FAF1: variants seen among roughly 807,000 people sequenced by gnomAD.
FAF1 encodes the protein FAS-associated factor 1.
FAF1 carries 25 observed loss-of-function variants against 92.5 expected under a neutral mutation model. The observed-to-expected ratio is 0.27, with a 90% CI of 0.20 to 0.38. FAF1 has a LOEUF of 0.38. Ranked by LOEUF, FAF1 falls within the 10% of genes least tolerant of loss-of-function variation. The pLI is 1.00. For missense variants in FAF1, 636 were observed against 793.3 expected (o/e 0.80, Z 2.38); for synonymous variants, 234 against 273.2 (o/e 0.86, Z 1.42).
At chr1:50,612,339 G>T in intron 8 of FAF1, 1 of 1,240,926 alleles carries the variant, frequency 8.1e-7, no homozygotes, top group Non-Finnish European at 1.0e-6. Context: ...ACCTCAAGCA[G>T]ATTCCTCATT....
chr1:50,614,224 G>A (rs142398600), intron 8 of FAF1, among the ~76,000 whole-genome samples: 1 of 152,296 alleles, frequency 6.6e-6, no homozygotes, highest in African/African-American at 2.4e-5. Flanking sequence ...AGACAAGCAT[G>A]TATTCTATGG....
chr1:50,500,394 GA>G (rs2149015456), intron 15 of FAF1, among the ~76,000 whole-genome samples: 1 of 152,222 alleles, frequency 6.6e-6, no homozygotes, highest in South Asian at 2.1e-4. Flanking sequence ...CAAAGGTGCA[GA>G]GGCAATGTAG....
At chr1:50,918,986 A>T (rs1644941919) in intron 1 of FAF1, among the ~76,000 whole-genome samples, 1 of 152,238 alleles carries the variant, frequency 6.6e-6, no homozygotes, top group Non-Finnish European at 1.5e-5. Flanking sequence ...TAAATTTCAC[A>T]TAAACCAAAA....
Position 50,781,675 on chromosome 1 carries a change from G to A in FAF1, c.367+6325C>T, listed in dbSNP as rs928235294. Reference sequence around the variant, plus strand: ...CAAACAGATCTAACAGACATATACTGAACATCCATTCTATCACAGCAGAAT... The same window carrying A: ...CAAACAGATCTAACAGACATATACTAAACATCCATTCTATCACAGCAGAAT... On this transcript the variant is annotated intron_variant, in intron 4 of 18. Coordinates refer to ENST00000396153, the MANE Select transcript of FAF1 (RefSeq NM_007051.3). Among the ~76,000 whole-genome samples the A allele has an allele frequency of 2.6e-5, 4 of 152,236 alleles. 1 individual carries two copies. The East Asian group carries it at 7.7e-4, about 29-fold the overall frequency.
In FAF1 at chr1:50,960,195, A is replaced by AGCGG. The variant is rs1423358002; in HGVS notation, c.-388_-385dup. On this transcript the variant is annotated 5_prime_UTR_variant, in exon 1 of 19. Transcript: ENST00000396153. ...CGGGGGCGGGGAAACCGAGCGAGCG[A>AGCGG]GCGGGCGGGCGAACGCCGCGGCCGC... is the stretch of plus-strand genomic sequence containing the variant. The AGCGG allele has an allele frequency of 3.2e-6, 1 of 310,882 alleles. No individual in the cohort carries two copies. The highest frequency in any genetic ancestry group is 5.9e-6 in the Non-Finnish European group (1 of 168,844). The allele number at this position is 310,882 out of a possible 1,614,324, so 19.3% of individuals were successfully genotyped here. A position where few individuals can be genotyped will look rare whatever the true frequency, so the allele number is the denominator to read the frequency against.
chr1:50,836,170 GTTTTTTTTTTT>G (rs36053491), intron 2 of FAF1, among the ~76,000 whole-genome samples: 3 of 98,526 alleles, frequency 3.0e-5, no homozygotes, highest in African/African-American at 8.5e-5. Flanking sequence ...TTTTGTTTCT[GTTTTTTTTTTT>G]TTTTTTTTAG....
At chr1:50,829,723 T>C (rs1249035793) in intron 2 of FAF1, among the ~76,000 whole-genome samples, 1 of 152,254 alleles carries the variant, frequency 6.6e-6, no homozygotes, top group African/African-American at 2.4e-5. Flanking sequence ...CTATTCCACT[T>C]GTTTCTTCTA....
In FAF1 at chr1:50,576,641, C is replaced by T. The variant is rs61468246; in HGVS notation, c.1113+5977G>A. Among the ~76,000 whole-genome samples the T allele has an allele frequency of 2.7e-3, 404 of 148,210 alleles. 5 individuals carry two copies. The highest frequency in any genetic ancestry group is 8.9e-3 in the African/African-American group (357 of 40,132). On this transcript the variant is annotated intron_variant, in intron 12 of 18. Coordinates refer to ENST00000396153, the MANE Select transcript of FAF1 (RefSeq NM_007051.3). ...AGACTCATCTCCGCACCGCCCCCCC[C>T]CCGCCACCACCCCTGCACCAAGATA...
intron 6 of FAF1, among the ~76,000 whole-genome samples, chr1:50,711,386 AG>A (rs1454148515): frequency 6.6e-6 from 1 of 151,850 alleles, no homozygotes; most frequent in Non-Finnish European, 1.5e-5. Flanking sequence ...ATCCCCTGGC[AG>A]GAGTTCATAC....
At chr1:50,502,154 C>A (rs1646999114) in intron 15 of FAF1, among the ~76,000 whole-genome samples, 1 of 152,092 alleles carries the variant, frequency 6.6e-6, no homozygotes, top group South Asian at 2.1e-4. Context: ...CAACTTTAAG[C>A]CAATCATAAC....
intron 6 of FAF1, among the ~76,000 whole-genome samples, chr1:50,737,869 T>A (rs1378588441): frequency 2.0e-5 from 3 of 151,998 alleles, no homozygotes. Flanking sequence ...CACAAAAAAA[T>A]CACCAAGTTG....
At chr1:50,634,919 T>A (rs2124220224) in intron 8 of FAF1, among the ~76,000 whole-genome samples, 1 of 152,314 alleles carries the variant, frequency 6.6e-6, no homozygotes, top group East Asian at 1.9e-4. Flanking sequence ...AAGGAAAATT[T>A]AGGATAACAG....
At chr1:50,796,221 AC>A (rs1352048220) in intron 3 of FAF1, among the ~76,000 whole-genome samples, 2 of 152,104 alleles carry the variant, frequency 1.3e-5, no homozygotes, top group Non-Finnish European at 2.9e-5. Flanking sequence ...AAACACACAC[AC>A]ACACACCCCT....
chr1:50,492,089 T>A (rs1250503561), intron 15 of FAF1, among the ~76,000 whole-genome samples: 1 of 152,202 alleles, frequency 6.6e-6, no homozygotes, highest in Non-Finnish European at 1.5e-5. Flanking sequence ...AGAAATAATA[T>A]TTGTCTTATA....
chr1:50,627,793 A>G (rs886434556), intron 8 of FAF1, among the ~76,000 whole-genome samples: 2 of 152,030 alleles, frequency 1.3e-5, no homozygotes, highest in Non-Finnish European at 1.5e-5. Context: ...CAAATTGTAC[A>G]TTCATGATTT....
At chr1:50,836,824 T>C (rs1051928646) in intron 2 of FAF1, among the ~76,000 whole-genome samples, 1 of 152,150 alleles carries the variant, frequency 6.6e-6, no homozygotes, top group African/African-American at 2.4e-5. Context: ...GATATTCTCT[T>C]TATAACCACA....
At chr1:50,680,510 T>C (rs1656373563) in intron 7 of FAF1, among the ~76,000 whole-genome samples, 1 of 151,936 alleles carries the variant, frequency 6.6e-6, no homozygotes. Context: ...TGGGGAAACC[T>C]CGTCTCTACT....
At chr1:50,515,533 G>A (rs1846522) in intron 15 of FAF1, among the ~76,000 whole-genome samples, 17,638 of 152,022 alleles carry the variant, frequency 0.12, 1,260 homozygotes, top group African/African-American at 0.2. Context: ...TGAAAAGCAC[G>A]GTAGTTCAGA....
intron 1 of FAF1, among the ~76,000 whole-genome samples, chr1:50,949,636 C>T (rs759835237): frequency 1.3e-4 from 20 of 152,212 alleles, no homozygotes; most frequent in Non-Finnish European, 2.5e-4. Context: ...CCAGAGACAA[C>T]ATGTAAACAT....
Sources: gnomAD v4.1 joint callset for allele counts (sites outside exome capture counted in the v4.1 genomes callset) on GRCh38, gnomAD v4.1.1 for gene constraint, MANE v1.5 for transcripts, NCBI Gene and HGNC (gene_info 2026-07-23, HGNC 2026-07-21) for gene names.